Variants in ASCC3 observed in about 807,000 individuals in gnomAD.
ASCC3 encodes the protein ASC-1 complex subunit P200.
In ASCC3, 158 loss-of-function variants were observed where a neutral mutation model predicts 256.3. That is an observed-to-expected ratio of 0.62 (90% CI 0.54 to 0.70). The LOEUF is 0.70. Ranked by LOEUF, ASCC3 falls within the 30% of genes least tolerant of loss-of-function variation. The pLI is 0.00. For synonymous variants in ASCC3, 948 were observed against 883.4 expected, an observed-to-expected ratio of 1.07 and a Z score of -1.30; for missense variants, 2,259 against 2,626.0, an observed-to-expected ratio of 0.86 and a Z score of 3.05.
Position 100,508,589 on chromosome 6 carries a change from G to C in ASCC3, c.*797C>G, listed in dbSNP as rs1165245053. Reference sequence around the variant, plus strand: ...TCTGTAAGTGCTACAACATGAATTAGATTATACTTCTCTACTTCTGTAAAT... The same window carrying C: ...TCTGTAAGTGCTACAACATGAATTACATTATACTTCTCTACTTCTGTAAAT... On this transcript the variant is annotated 3_prime_UTR_variant, in exon 42 of 42. Coordinates refer to ENST00000369162, the MANE Select transcript of ASCC3 (RefSeq NM_006828.4). 2 of 152,234 alleles carry C rather than the reference G, an allele frequency of 1.3e-5. No individual in the cohort carries two copies. The highest frequency in any genetic ancestry group is 3.9e-4 in the East Asian group (2 of 5,184). 9.4% of individuals were successfully genotyped at this position (152,234 alleles called of 1,614,324 possible). A position where few individuals can be genotyped will look rare whatever the true frequency, so the allele number is the denominator to read the frequency against.
chr6:100,528,009 T>C (rs1774672418), intron 37 of ASCC3, among the ~76,000 whole-genome samples: 1 of 151,884 alleles, frequency 6.6e-6, no homozygotes, highest in South Asian at 2.1e-4. Flanking sequence ...CTAATTTTTT[T>C]TTTTTTGGTA....
chr6:100,761,360 C>T (rs534610554), intron 10 of ASCC3, among the ~76,000 whole-genome samples: 2 of 152,208 alleles, frequency 1.3e-5, no homozygotes, highest in Admixed American at 1.3e-4. Context: ...TGGTGGCATG[C>T]GCCTGTAATC....
At chr6:100,792,103 T>A (rs182665090) in intron 8 of ASCC3, among the ~76,000 whole-genome samples, 7 of 152,010 alleles carry the variant, frequency 4.6e-5, no homozygotes, top group Non-Finnish European at 1.0e-4. Context: ...CCAGAAGTAT[T>A]CAAAGTGATA....
intron 37 of ASCC3, among the ~76,000 whole-genome samples, chr6:100,533,118 T>C (rs1398239297): frequency 6.6e-6 from 1 of 152,144 alleles, no homozygotes; most frequent in Non-Finnish European, 1.5e-5. Flanking sequence ...GTTTTTTTGT[T>C]TTTGTTTTTC....
intron 11 of ASCC3, among the ~76,000 whole-genome samples, chr6:100,720,796 A>G (rs1779291139): frequency 6.7e-6 from 1 of 149,700 alleles, no homozygotes; most frequent in Non-Finnish European, 1.5e-5. Flanking sequence ...GACAATGTGA[A>G]GATGAAATTA....
intron 4 of ASCC3, among the ~76,000 whole-genome samples, chr6:100,846,560 G>A (rs1212238496): frequency 6.6e-6 from 1 of 152,100 alleles, no homozygotes; most frequent in Non-Finnish European, 1.5e-5. Flanking sequence ...AAGGCGCTCA[G>A]CCCTCACCTC....
rs1303513654 is a variant in ASCC3, at chr6:100,625,173, G to A, written c.4785+19C>T. On this transcript the variant is annotated intron_variant, in intron 30 of 41. Coordinates refer to ENST00000369162, the MANE Select transcript of ASCC3 (RefSeq NM_006828.4). ...AACCTGAAACGTGTAAGTAGTAGAA[G>A]ATAAAATATGTTGCTTACCTCTCTT... The A allele has an allele frequency of 1.2e-6, 2 of 1,611,556 alleles. No individual in the cohort carries two copies. Among genetic ancestry groups the A allele is most frequent in the Admixed American group, 1.7e-5 (1 of 59,814 alleles).
chr6:100,540,634 C>T (rs1775410447), intron 36 of ASCC3, among the ~76,000 whole-genome samples: 1 of 152,080 alleles, frequency 6.6e-6, no homozygotes, highest in African/African-American at 2.4e-5. Flanking sequence ...AGAGTATTTA[C>T]TAGGCATCAC....
intron 8 of ASCC3, among the ~76,000 whole-genome samples, chr6:100,794,056 A>C (rs1467367698): frequency 2.0e-5 from 3 of 151,976 alleles, no homozygotes; most frequent in Non-Finnish European, 4.4e-5. Context: ...AATTTCTCTC[A>C]GTTGTCCCCT....
intron 36 of ASCC3, among the ~76,000 whole-genome samples, chr6:100,552,047 T>C (rs1306567039): frequency 1.3e-5 from 2 of 151,908 alleles, no homozygotes; most frequent in African/African-American, 2.4e-5. Flanking sequence ...CCCAAATTTC[T>C]TATCTTAAAT....
At chr6:100,555,444 A>G (rs1428702674) in intron 36 of ASCC3, among the ~76,000 whole-genome samples, 1 of 152,192 alleles carries the variant, frequency 6.6e-6, no homozygotes, top group Non-Finnish European at 1.5e-5. Flanking sequence ...TCAAAAATAA[A>G]TATGAAGAAG....
chr6:100,564,422 T>A (rs1770124952), intron 36 of ASCC3, among the ~76,000 whole-genome samples: 1 of 152,170 alleles, frequency 6.6e-6, no homozygotes, highest in African/African-American at 2.4e-5. Context: ...AATTTTATTT[T>A]AGCTCTCACA....
chr6:100,658,861 T>A (rs1414978570), intron 16 of ASCC3, among the ~76,000 whole-genome samples: 1 of 151,578 alleles, frequency 6.6e-6, no homozygotes, highest in East Asian at 1.9e-4. Context: ...GAAAGAAAGA[T>A]TAATATAGTT....
rs757308716 is a variant in ASCC3, at chr6:100,589,735, G to A, written c.5449C>T (p.Arg1817Ter). 2.5e-6 allele frequency: 4 copies of A among 1,613,462 alleles called. No homozygotes were observed. The highest frequency in any genetic ancestry group is 1.3e-5 in the African/African-American group (1 of 74,834). ...TTCAAATAGTAATAGGAGGCAATTC[G>A]GCCATAAGTTAGAGGTTCAATGCTG... ...NRSIEPLTYG[R>*]IASYYYLKHQ... The change falls in exon 36 of 42, where the codon CGA becomes TGA. Residue 1817 changes from arginine (R) to a stop codon, truncating the protein, a stop_gained. Coordinates refer to ENST00000369162, the MANE Select transcript of ASCC3 (RefSeq NM_006828.4). LOFTEE classifies it high-confidence loss of function.
rs1436695767 is a variant in ASCC3, at chr6:100,625,340, GA to G, written c.4643-7del. ...TGGAGAATGGCTTCTAATTGCTGTT[GA>G]AAAGTTGTGGGAAATAAAATGGAAA... is the stretch of plus-strand genomic sequence containing the variant. On this transcript the variant is annotated splice_polypyrimidine_tract_variant and splice_region_variant and intron_variant, in intron 29 of 41. Coordinates refer to ENST00000369162, the MANE Select transcript of ASCC3 (RefSeq NM_006828.4). 1.2e-6 allele frequency: 2 copies of G among 1,611,918 alleles called. No homozygotes were observed. The highest frequency in any genetic ancestry group is 2.7e-5 in the African/African-American group (2 of 74,788).
chr6:100,557,911 G>A (rs1769699828), intron 36 of ASCC3, among the ~76,000 whole-genome samples: 1 of 151,888 alleles, frequency 6.6e-6, no homozygotes, highest in East Asian at 1.9e-4. Context: ...CCAAAAAAAT[G>A]TGTCTCTTGC....
chr6:100,829,729 G>C (rs536632227), intron 4 of ASCC3, among the ~76,000 whole-genome samples: 29 of 152,316 alleles, frequency 1.9e-4, no homozygotes, highest in African/African-American at 6.5e-4. Context: ...AGGGCTGTGA[G>C]GAATGCCAGC....
chr6:100,756,841 T>C (rs978309241), intron 10 of ASCC3, among the ~76,000 whole-genome samples: 1 of 152,128 alleles, frequency 6.6e-6, no homozygotes, highest in Non-Finnish European at 1.5e-5. Context: ...ACAGCCATTA[T>C]GAAATATAAA....
Position 100,516,102 on chromosome 6 carries a change from C to T in ASCC3, c.6075+78G>A, listed in dbSNP as rs1211054483. ...TCAAGGTGAGCCTGGTTCCAAAATCCATGCTCTAAGTTAGAAAACTCTTGG... is the reference window on the plus strand; with the variant it reads ...TCAAGGTGAGCCTGGTTCCAAAATCTATGCTCTAAGTTAGAAAACTCTTGG... On this transcript the variant is annotated intron_variant, in intron 39 of 41. Transcript: ENST00000369162. 4 of 1,588,872 alleles carry T rather than the reference C, an allele frequency of 2.5e-6. No homozygotes were observed. The African/African-American group carries it at 4.0e-5, about 16-fold the overall frequency.
Sources: gnomAD v4.1 joint callset for allele counts (sites outside exome capture counted in the v4.1 genomes callset) on GRCh38, gnomAD v4.1.1 for gene constraint, MANE v1.5 for transcripts, NCBI Gene and HGNC (gene_info 2026-07-23, HGNC 2026-07-21) for gene names.